ZFHX3: variants seen among roughly 807,000 people sequenced by gnomAD.
ZFHX3 encodes zinc finger homeobox 3.
ZFHX3 carries 42 observed loss-of-function variants against 279.1 expected under a neutral mutation model. That is an observed-to-expected ratio of 0.15 (90% CI 0.12 to 0.19). The LOEUF (loss-of-function observed/expected upper bound fraction) is 0.19, where lower values mean the gene tolerates loss of function less well. ZFHX3 is among the 10% of genes least tolerant of loss of function. The pLI is 1.00. For missense variants in ZFHX3, 4,981 were observed against 4,754.0 expected, an observed-to-expected ratio of 1.05 and a Z score of -1.40; for synonymous variants, 2,293 against 1,957.8, an observed-to-expected ratio of 1.17 and a Z score of -4.52.
chr16:72,983,509 C>T (rs1374516639), intron 1 of ZFHX3, among the ~76,000 whole-genome samples: 1 of 152,116 alleles, frequency 6.6e-6, no homozygotes, highest in African/African-American at 2.4e-5. Flanking sequence ...CAGTTCGAGG[C>T]CAGCCACAGC....
intron 1 of ZFHX3, among the ~76,000 whole-genome samples, chr16:73,814,768 A>G (rs985060141): frequency 9.9e-5 from 15 of 152,102 alleles, no homozygotes; most frequent in African/African-American, 3.6e-4. Context: ...GGGTTTCACC[A>G]TGTTGGCCAG....
intron 4 of ZFHX3, among the ~76,000 whole-genome samples, chr16:72,861,222 G>A (rs1274126875): frequency 2.0e-5 from 3 of 152,178 alleles, no homozygotes; most frequent in South Asian, 2.1e-4. Context: ...GCATGTCCTC[G>A]TTTTGCATAT....
chr16:73,071,929 GC>G (rs1965830853), intron 8 of ZFHX3, among the ~76,000 whole-genome samples: 1 of 152,208 alleles, frequency 6.6e-6, no homozygotes, highest in Non-Finnish European at 1.5e-5. Flanking sequence ...ACACTGATGG[GC>G]CCCATTGCTT....
intron 1 of ZFHX3, among the ~76,000 whole-genome samples, chr16:73,795,166 C>T (rs1959954776): frequency 6.6e-6 from 1 of 152,218 alleles, no homozygotes; most frequent in Non-Finnish European, 1.5e-5. Flanking sequence ...AGACCGCAGC[C>T]AGGAGTCTGG....
rs560549870 is a variant in ZFHX3 at position 73,110,377 on chromosome 16, A to G, written c.-896-16779T>C. ...CCTTTCCTTGGTCCTTGGATAATAT[A>G]ATTTTGTTTGTGACAATTCAATTGT... On this transcript the variant is annotated intron_variant, in intron 7 of 17. Transcript: ENST00000641206. 1.3e-5 allele frequency among the ~76,000 whole-genome samples: 2 copies of G among 152,218 alleles called. 1 individual carries two copies. The highest frequency in any genetic ancestry group is 1.3e-4 in the Admixed American group (2 of 15,258).
intron 1 of ZFHX3, among the ~76,000 whole-genome samples, chr16:73,801,344 A>G (rs1960140704): frequency 6.6e-6 from 1 of 152,190 alleles, no homozygotes; most frequent in African/African-American, 2.4e-5. Flanking sequence ...ATATTTTCTG[A>G]ACGAATAAAT....
intron 2 of ZFHX3, among the ~76,000 whole-genome samples, chr16:73,596,540 G>A (rs1431140144): frequency 1.3e-5 from 2 of 151,934 alleles, no homozygotes; most frequent in African/African-American, 4.8e-5. Flanking sequence ...CTTCCCTGAT[G>A]GCCCTAGCTT....
chr16:73,335,068 A>G (rs183180420), intron 3 of ZFHX3, among the ~76,000 whole-genome samples: 1 of 152,148 alleles, frequency 6.6e-6, no homozygotes, highest in East Asian at 1.9e-4. Context: ...ACAGTTTTCA[A>G]CATCCAAAAT....
intron 2 of ZFHX3, among the ~76,000 whole-genome samples, chr16:73,484,254 T>A (rs1217413229): frequency 6.6e-6 from 1 of 152,142 alleles, no homozygotes; most frequent in Non-Finnish European, 1.5e-5. Flanking sequence ...AGAGAACATC[T>A]CTTCCTGGAG....
intron 4 of ZFHX3, among the ~76,000 whole-genome samples, chr16:73,310,687 C>T (rs948163948): frequency 6.6e-6 from 1 of 152,196 alleles, no homozygotes; most frequent in Non-Finnish European, 1.5e-5. Context: ...AACTGATATA[C>T]ACCAAGGTGC....
intron 3 of ZFHX3, among the ~76,000 whole-genome samples, chr16:73,411,480 AC>A (rs2017465355): frequency 1.3e-5 from 2 of 152,206 alleles, no homozygotes; most frequent in South Asian, 4.1e-4. Context: ...GATTCTCTCC[AC>A]AAAAATTCCA....
chr16:73,444,463 A>G (rs1331516223), intron 3 of ZFHX3, among the ~76,000 whole-genome samples: 1 of 152,200 alleles, frequency 6.6e-6, no homozygotes, highest in South Asian at 2.1e-4. Flanking sequence ...GATTTAATGT[A>G]ATTTGCCACT....
chr16:73,577,071 T>G (rs971833825), intron 2 of ZFHX3, among the ~76,000 whole-genome samples: 7 of 152,288 alleles, frequency 4.6e-5, no homozygotes, highest in African/African-American at 1.7e-4. Context: ...TCACAAAATT[T>G]TACTGGCTCT....
intron 1 of ZFHX3, among the ~76,000 whole-genome samples, chr16:73,733,546 A>G (rs1293354017): frequency 6.6e-6 from 1 of 152,224 alleles, no homozygotes; most frequent in African/African-American, 2.4e-5. Flanking sequence ...AAAGACTTCA[A>G]TATAGCTCTA....
At chr16:73,232,954 T>C (rs2012822522) in intron 5 of ZFHX3, 1 of 150,864 alleles carries the variant, frequency 6.6e-6, no homozygotes, top group Admixed American at 6.6e-5. Flanking sequence ...GATGAGACAG[T>C]GATGGGTTCA....
At chr16:73,508,226 G>A (rs1034782386) in intron 2 of ZFHX3, among the ~76,000 whole-genome samples, 1 of 152,144 alleles carries the variant, frequency 6.6e-6, no homozygotes, top group African/African-American at 2.4e-5. Context: ...TAGGCTATGT[G>A]CAAGCATTAA....
upstream of ZFHX3, among the ~76,000 whole-genome samples, chr16:73,062,575 G>A (rs1965697516): frequency 6.6e-6 from 1 of 152,208 alleles, no homozygotes; most frequent in Non-Finnish European, 1.5e-5. Context: ...AATGTGAGCA[G>A]CTATTATTTG....
intron 2 of ZFHX3, among the ~76,000 whole-genome samples, chr16:73,478,509 C>T (rs151284741): frequency 1.6e-4 from 25 of 152,210 alleles, no homozygotes; most frequent in African/African-American, 5.8e-4. Context: ...AGGTATACAC[C>T]AGGATTCCCC....
intron 1 of ZFHX3, among the ~76,000 whole-genome samples, chr16:73,682,860 AAG>A: frequency 3.6e-5 from 1 of 27,504 alleles, no homozygotes; most frequent in East Asian, 5.4e-3. Context: ...AAGAGAAAGA[AAG>A]AAAGAAAGAA....
Sources: allele counts gnomAD v4.1 joint callset (sites outside exome capture counted in the v4.1 genomes callset), GRCh38; gene constraint gnomAD v4.1.1; transcripts MANE v1.5; gene names NCBI Gene and HGNC (gene_info 2026-07-23, HGNC 2026-07-21).